Variants in THSD4 observed in about 807,000 individuals in gnomAD.
THSD4 encodes thrombospondin type 1 domain containing 4.
THSD4 carries 69 observed loss-of-function variants against 119.0 expected under a neutral mutation model. The ratio of observed to expected loss-of-function variants is 0.58; its 90% CI spans 0.48 to 0.71. The LOEUF (loss-of-function observed/expected upper bound fraction) is 0.71, where lower values mean the gene tolerates loss of function less well. Among genes scored for constraint, THSD4 ranks in the 30% least tolerant of loss-of-function variants. The pLI is 0.00. For missense variants in THSD4, 1,393 were observed against 1,391.1 expected (o/e 1.00, Z -0.02); for synonymous variants, 524 against 540.4 (o/e 0.97, Z 0.42).
chr15:71,453,484 T>C (rs2047295179), intron 7 of THSD4, among the ~76,000 whole-genome samples: 1 of 152,136 alleles, frequency 6.6e-6, no homozygotes, highest in South Asian at 2.1e-4. Context: ...AAACGAATAA[T>C]ACATTGGATA....
chr15:71,164,968 C>T, intron 3 of THSD4: 11 of 1,596,460 alleles, frequency 6.9e-6, no homozygotes, highest in Non-Finnish European at 9.4e-6. Flanking sequence ...TTTCCTTCAG[C>T]TTCGCAGCCT....
At chr15:71,230,422 C>T (rs900299602) in intron 4 of THSD4, among the ~76,000 whole-genome samples, 10 of 152,222 alleles carry the variant, frequency 6.6e-5, no homozygotes, top group African/African-American at 2.2e-4. Context: ...ACATTGGAGG[C>T]TCTGTGTCTC....
At chr15:71,744,863 A>T (rs2053304278) in intron 11 of THSD4, among the ~76,000 whole-genome samples, 1 of 152,172 alleles carries the variant, frequency 6.6e-6, no homozygotes, top group African/African-American at 2.4e-5. Context: ...CCACAAATAG[A>T]TTATTGATTC....
intron 7 of THSD4, among the ~76,000 whole-genome samples, chr15:71,628,498 C>T (rs2050551320): frequency 6.6e-6 from 1 of 152,142 alleles, no homozygotes; most frequent in South Asian, 2.1e-4. Flanking sequence ...AGGTCTCAGC[C>T]CATTTGGCAG....
chr15:71,295,219 G>A lies in THSD4; in HGVS notation c.1015+38504G>A, dbSNP rs908203177. Among the ~76,000 whole-genome samples the A allele has an allele frequency of 5.9e-5, 9 of 152,162 alleles. No individual in the cohort carries two copies. The South Asian group carries it at 1.2e-3, about 21-fold the overall frequency. Reference sequence around the variant, plus strand: ...GTGATCCTGGGAGGGTGATATGATCGGCTTTGTTTACAGATGGATGAACCA... The same window carrying A: ...GTGATCCTGGGAGGGTGATATGATCAGCTTTGTTTACAGATGGATGAACCA... On this transcript the variant is annotated intron_variant, in intron 6 of 17. Transcript: ENST00000261862.
chr15:71,377,129 G>A (rs559092306), intron 6 of THSD4, among the ~76,000 whole-genome samples: 18 of 152,322 alleles, frequency 1.2e-4, no homozygotes, highest in African/African-American at 4.3e-4. Flanking sequence ...CAATGTGGCA[G>A]GATGGCTGAT....
chr15:71,249,567 A>G (rs940117912), intron 5 of THSD4, among the ~76,000 whole-genome samples: 4 of 151,590 alleles, frequency 2.6e-5, no homozygotes, highest in African/African-American at 9.7e-5. Flanking sequence ...GTCATTTTTC[A>G]TGATTATAGA....
intron 7 of THSD4, among the ~76,000 whole-genome samples, chr15:71,527,708 C>A: frequency 1.3e-5 from 1 of 79,748 alleles, no homozygotes; most frequent in South Asian, 5.8e-4. Flanking sequence ...TGTTTATCCT[C>A]TTTTTTTTTT....
intron 6 of THSD4, among the ~76,000 whole-genome samples, chr15:71,339,405 C>T (rs191571098): frequency 6.4e-4 from 97 of 152,218 alleles, no homozygotes; most frequent in Non-Finnish European, 1.3e-3. Context: ...CTCCCCCAAC[C>T]GTCACCTCTG....
chr15:71,250,284 G>A (rs968397782), intron 5 of THSD4, among the ~76,000 whole-genome samples: 6 of 152,114 alleles, frequency 3.9e-5, no homozygotes, highest in African/African-American at 7.2e-5. Flanking sequence ...ATGTGGTACC[G>A]GAAATAGCCA....
At chr15:71,297,315 CTTTT>C (rs772196153) in intron 6 of THSD4, among the ~76,000 whole-genome samples, 19 of 137,660 alleles carry the variant, frequency 1.4e-4, no homozygotes, top group African/African-American at 3.5e-4. Flanking sequence ...CTCTCCTCTT[CTTTT>C]TTTTGTTTGT....
intron 6 of THSD4, among the ~76,000 whole-genome samples, chr15:71,302,619 G>A (rs990308180): frequency 6.6e-6 from 1 of 152,166 alleles, no homozygotes; most frequent in Non-Finnish European, 1.5e-5. Context: ...AGCAAGGGAA[G>A]CAGGCAATGC....
chr15:71,644,178 T>C (rs1249410137), intron 7 of THSD4, among the ~76,000 whole-genome samples: 4 of 152,184 alleles, frequency 2.6e-5, no homozygotes, highest in Non-Finnish European at 5.9e-5. Flanking sequence ...TAACTGATTG[T>C]GGTTAAACCA....
At chr15:71,329,997 T>C (rs946019569) in intron 6 of THSD4, among the ~76,000 whole-genome samples, 4 of 152,060 alleles carry the variant, frequency 2.6e-5, no homozygotes, top group Non-Finnish European at 5.9e-5. Flanking sequence ...GGAGGATTGC[T>C]TGAGCCTGGG....
At chr15:71,480,656 C>T (rs7182401) in intron 7 of THSD4, among the ~76,000 whole-genome samples, 97,221 of 152,044 alleles carry the variant, frequency 0.64, 31,563 homozygotes, top group Non-Finnish European at 0.7. Context: ...CTTCTCATCG[C>T]GTTGCCAGCT....
intron 5 of THSD4, 45 bp downstream of exon 5, chr15:71,243,141 C>G (rs750326253): frequency 1.9e-6 from 3 of 1,554,874 alleles, no homozygotes; most frequent in African/African-American, 2.7e-5. Flanking sequence ...AGCTGCCCCT[C>G]GTTTTTCTGT....
At chr15:71,221,551 T>C (rs573619018) in intron 4 of THSD4, among the ~76,000 whole-genome samples, 1 of 152,366 alleles carries the variant, frequency 6.6e-6, no homozygotes, top group South Asian at 2.1e-4. Flanking sequence ...TTTGTCGTTT[T>C]TGTGACTGGC....
At chr15:71,191,536 C>T (rs1596259562) in intron 3 of THSD4, among the ~76,000 whole-genome samples, 1 of 152,216 alleles carries the variant, frequency 6.6e-6, no homozygotes, top group South Asian at 2.1e-4. Flanking sequence ...TTAAACTTCA[C>T]AGCAACCTTA....
At chr15:71,588,991 G>A (rs2049745170) in intron 7 of THSD4, among the ~76,000 whole-genome samples, 2 of 152,158 alleles carry the variant, frequency 1.3e-5, no homozygotes, top group South Asian at 4.1e-4. Flanking sequence ...TTGTGAGAGA[G>A]ACCCAGGAAT....
Sources: allele counts gnomAD v4.1 joint callset (sites outside exome capture counted in the v4.1 genomes callset), GRCh38; gene constraint gnomAD v4.1.1; transcripts MANE v1.5; gene names NCBI Gene and HGNC (gene_info 2026-07-23, HGNC 2026-07-21).